PLCH1: variants seen among roughly 807,000 people sequenced by gnomAD.
PLCH1 encodes phospholipase C eta 1.
PLCH1 carries 60 observed loss-of-function variants against 126.7 expected under a neutral mutation model. The observed-to-expected ratio is 0.47, with a 90% confidence interval of 0.38 to 0.59. The LOEUF is 0.59. Ranked by LOEUF, PLCH1 falls within the 20% of genes least tolerant of loss-of-function variation. The pLI, the probability that PLCH1 is intolerant of heterozygous loss-of-function variation, is 0.00. For synonymous variants in PLCH1, 719 were observed against 734.9 expected (o/e 0.98, Z 0.35); for missense variants, 1,723 against 2,040.0 (o/e 0.84, Z 2.99).
intron 1 of PLCH1, among the ~76,000 whole-genome samples, chr3:155,709,318 T>C (rs950023906): frequency 6.6e-6 from 1 of 152,208 alleles, no homozygotes. Context: ...TGCTGGACTG[T>C]GTGGTAAGAG....
rs372344020 is a variant in PLCH1 at position 155,583,655 on chromosome 3, T to G, written c.601-13A>C. 3.2e-5 allele frequency: 49 copies of G among 1,540,824 alleles called. No individual in the cohort carries two copies. Among genetic ancestry groups the G allele is most frequent in the Admixed American group, 4.8e-5 (2 of 41,708 alleles). ...CTGTGTCGGCTTCCTGAAAAGGGCATAGAGAAAATAAAGTAATATGAAAGT... is the reference window on the plus strand; with the variant it reads ...CTGTGTCGGCTTCCTGAAAAGGGCAGAGAGAAAATAAAGTAATATGAAAGT... On this transcript the variant is annotated splice_polypyrimidine_tract_variant and intron_variant, in intron 5 of 22. Coordinates refer to ENST00000460012, the MANE Select transcript of PLCH1 (RefSeq NM_014996.4).
intron 10 of PLCH1, among the ~76,000 whole-genome samples, chr3:155,525,374 G>A (rs559949285): frequency 7.9e-5 from 12 of 152,200 alleles, no homozygotes; most frequent in Admixed American, 3.3e-4. Context: ...TGTCACGTGA[G>A]GACAAATAGT....
intron 11 of PLCH1, 59 bp from the exon 12 acceptor site, chr3:155,514,943 A>G: frequency 8.5e-7 from 1 of 1,173,718 alleles, no homozygotes; most frequent in Non-Finnish European, 1.2e-6. Context: ...ATTAGAATAT[A>G]CCCTTTGATC....
intron 2 of PLCH1, among the ~76,000 whole-genome samples, chr3:155,616,078 T>C (rs1447209221): frequency 1.3e-5 from 2 of 152,176 alleles, no homozygotes; most frequent in East Asian, 3.9e-4. Flanking sequence ...CATTTGGAGT[T>C]AGCCATATCC....
chr3:155,715,714 G>A (rs1479030233), intron 1 of PLCH1, among the ~76,000 whole-genome samples: 1 of 150,822 alleles, frequency 6.6e-6, no homozygotes, highest in African/African-American at 2.4e-5. Flanking sequence ...CTAGGATTAA[G>A]GGATCCTCAT....
chr3:155,676,393 G>C (rs386867), intron 2 of PLCH1: 164,779 of 1,016,658 alleles, frequency 0.16, 14,225 homozygotes, highest in East Asian at 0.43. Flanking sequence ...TTCGTGCAGC[G>C]CGTTAAAGCC....
chr3:155,574,440 C>T (rs1442981081), intron 6 of PLCH1, among the ~76,000 whole-genome samples: 2 of 152,216 alleles, frequency 1.3e-5, no homozygotes, highest in Non-Finnish European at 2.9e-5. Context: ...TGCTTCGAGG[C>T]TTCTCACTCT....
chr3:155,607,218 A>C (rs1301215997), intron 2 of PLCH1, among the ~76,000 whole-genome samples: 1 of 152,212 alleles, frequency 6.6e-6, no homozygotes, highest in Non-Finnish European at 1.5e-5. Context: ...AATGCGAAAG[A>C]GAAACTTAAA....
chr3:155,544,472 G>C (rs1724892813), intron 10 of PLCH1, among the ~76,000 whole-genome samples: 1 of 152,158 alleles, frequency 6.6e-6, no homozygotes, highest in South Asian at 2.1e-4. Context: ...ACATTAGACA[G>C]ATCAACGAGA....
In PLCH1 at chr3:155,481,428, G is replaced by A; in HGVS notation, c.4598C>T (p.Ala1533Val). The change falls in exon 23 of 23, where the codon GCC (alanine) becomes GTC (valine). Residue 1533 changes from alanine to valine, a missense_variant. Physicochemically the swap from Ala to Val is moderately conservative, Grantham distance 64. Around this residue, in one of 2 missense-constraint regions of PLCH1, gnomAD observed 947 missense variants for 977.1 expected, o/e 0.97. Coordinates refer to ENST00000460012, the MANE Select transcript of PLCH1 (RefSeq NM_014996.4). This position sits in a 1 kb window ranked among gnomAD's most constrained non-coding sequence, Gnocchi z 4.2. ...VKTKSLEPID[A>V]LTEQLRKLVS... is the part of the protein sequence containing the mutation. ...AAGCTTCCGAAGCTGCTCGGTCAGG[G>A]CATCTATAGGCTCTAACGACTTTGT... 1.2e-6 allele frequency: 2 copies of A among 1,614,130 alleles called. No individual in the cohort carries two copies. The highest frequency in any genetic ancestry group is 1.7e-6 in the Non-Finnish European group (2 of 1,180,042).
At chr3:155,598,400 C>G (rs1171714027) in intron 2 of PLCH1, among the ~76,000 whole-genome samples, 1 of 152,164 alleles carries the variant, frequency 6.6e-6, no homozygotes, top group African/African-American at 2.4e-5. Context: ...ACCACCAAAT[C>G]AAACCAACCA....
intron 2 of PLCH1, among the ~76,000 whole-genome samples, chr3:155,695,414 A>C (rs998554307): frequency 5.9e-5 from 9 of 152,224 alleles, no homozygotes; most frequent in Non-Finnish European, 8.8e-5. Context: ...AAAGGCAAGA[A>C]GAGAGTTTAC....
intron 18 of PLCH1, among the ~76,000 whole-genome samples, chr3:155,491,322 G>A (rs997650454): frequency 7.2e-5 from 11 of 152,132 alleles, no homozygotes; most frequent in South Asian, 2.1e-4. Context: ...GGAGTGCAGT[G>A]GCATGATCTT....
At chr3:155,523,076 G>T (rs1201423048) in intron 11 of PLCH1, among the ~76,000 whole-genome samples, 1 of 152,054 alleles carries the variant, frequency 6.6e-6, no homozygotes, top group Non-Finnish European at 1.5e-5. Flanking sequence ...CCAGGTTCAC[G>T]CCATTTTCCC....
rs1445715038 is a variant in PLCH1 at position 155,704,212 on chromosome 3, T to C, written c.13A>G (p.Asn5Asp). The change falls in exon 2 of 23, where the codon AAC becomes GAC. Residue 5 changes from asparagine (N) to aspartate (D), a missense_variant. By Grantham distance (23) the Asn-to-Asp change is conservative. This residue lies in a region of PLCH1 where 776 missense variants were observed against 1,062.9 expected (regional missense o/e 0.73). Transcript: ENST00000460012. MSYW[N>D]LEKRNCVQYR... ...TGCACACAGTTCCTTTTTTCCAAGTTCCAGTAACTCATTGTCAGAAGATTT... is the reference window on the plus strand; with the variant it reads ...TGCACACAGTTCCTTTTTTCCAAGTCCCAGTAACTCATTGTCAGAAGATTT... 1 of 1,227,590 alleles carries C rather than the reference T, an allele frequency of 8.1e-7. No individual in the cohort carries two copies. Among genetic ancestry groups the C allele is most frequent in the Non-Finnish European group, 1.0e-6 (1 of 984,252 alleles). 76.0% of individuals were successfully genotyped at this position (1,227,590 alleles called of 1,614,324 possible).
At chr3:155,456,328 A>T (rs1175784575) in intron 21 of PLCH1, among the ~76,000 whole-genome samples, 1 of 135,270 alleles carries the variant, frequency 7.4e-6, no homozygotes, top group Non-Finnish European at 1.6e-5. Flanking sequence ...AATGATAGCT[A>T]ATGAGCTAAA....
At chr3:155,472,650 C>G (rs1713321950) in intron 21 of PLCH1, among the ~76,000 whole-genome samples, 1 of 151,716 alleles carries the variant, frequency 6.6e-6, no homozygotes, top group African/African-American at 2.4e-5. Context: ...GACCAATATC[C>G]TTGATGAACA....
chr3:155,680,506 A>T (rs993496916), intron 2 of PLCH1, among the ~76,000 whole-genome samples: 3 of 152,224 alleles, frequency 2.0e-5, no homozygotes, highest in Non-Finnish European at 4.4e-5. Context: ...GAGAGCCTCC[A>T]GTCACACCCA....
intron 10 of PLCH1, among the ~76,000 whole-genome samples, chr3:155,533,972 C>T (rs1723018106): frequency 6.6e-6 from 1 of 152,232 alleles, no homozygotes; most frequent in African/African-American, 2.4e-5. Context: ...ATGGAAACAC[C>T]TGGATGCCTA....
Sources: allele counts gnomAD v4.1 joint callset (sites outside exome capture counted in the v4.1 genomes callset), GRCh38; gene constraint gnomAD v4.1.1; regional missense constraint gnomAD v4.1.1; non-coding constraint Gnocchi (gnomAD v3.1); transcripts MANE v1.5; gene names NCBI Gene and HGNC (gene_info 2026-07-23, HGNC 2026-07-21).